TBC1D14: variants seen among roughly 807,000 people sequenced by gnomAD.
TBC1D14 encodes TBC1 domain family, member 14.
TBC1D14 carries 26 observed loss-of-function variants against 79.0 expected under a neutral mutation model. The observed-to-expected ratio is 0.33, with a 90% CI of 0.24 to 0.46. The LOEUF is 0.46. Ranked by LOEUF, TBC1D14 falls within the 20% of genes least tolerant of loss-of-function variation. The pLI, the probability that TBC1D14 is intolerant of heterozygous loss-of-function variation, is 1.00. For missense variants in TBC1D14, 769 were observed against 887.6 expected (o/e 0.87, Z 1.70); for synonymous variants, 394 against 349.9 (o/e 1.13, Z -1.40).
chr4:6,979,316 A>G (rs1717141194), intron 3 of TBC1D14, among the ~76,000 whole-genome samples: 1 of 152,196 alleles, frequency 6.6e-6, no homozygotes, highest in Admixed American at 6.5e-5. Flanking sequence ...CTCAGTTCTG[A>G]CAGATTGTCA....
At chr4:6,917,973 T>C (rs1438615002) in intron 1 of TBC1D14, among the ~76,000 whole-genome samples, 1 of 152,192 alleles carries the variant, frequency 6.6e-6, no homozygotes, top group Non-Finnish European at 1.5e-5. Context: ...TTTTTAGGTT[T>C]ATTTCCCTGA....
chr4:6,924,067 G>T lies in TBC1D14; in HGVS notation c.678G>T (p.Gly226=). Residue 226 remains glycine (G), a synonymous_variant, in exon 2 of 14, where the codon GGG becomes GGT. Coordinates refer to ENST00000409757, the MANE Select transcript of TBC1D14 (RefSeq NM_020773.3). ...QQDCVHEAEE[G]SKLKILGPFS... ...ACTGTGTTCATGAAGCTGAGGAGGGGAGTAAATTGAAAATATTGGGGCCAT... is the reference window on the plus strand; with the variant it reads ...ACTGTGTTCATGAAGCTGAGGAGGGTAGTAAATTGAAAATATTGGGGCCAT... The T allele has an allele frequency of 2.5e-6, 4 of 1,613,780 alleles. No individual in the cohort carries two copies. Among genetic ancestry groups the T allele is most frequent in the Non-Finnish European group, 3.4e-6 (4 of 1,179,988 alleles).
intron 2 of TBC1D14, among the ~76,000 whole-genome samples, chr4:6,938,101 T>G (rs1419750694): frequency 6.6e-6 from 1 of 152,136 alleles, no homozygotes; most frequent in South Asian, 2.1e-4. Context: ...TGGGCGCTAC[T>G]TTGCTGGGCT....
At chr4:6,978,357 G>C (rs1717018837) in intron 3 of TBC1D14, among the ~76,000 whole-genome samples, 1 of 148,674 alleles carries the variant, frequency 6.7e-6, no homozygotes, top group Non-Finnish European at 1.5e-5. Flanking sequence ...TGTGTAGAAA[G>C]AGGTAGACAT....
chr4:6,914,997 C>T (rs1197193120), intron 1 of TBC1D14, among the ~76,000 whole-genome samples: 2 of 152,198 alleles, frequency 1.3e-5, no homozygotes, highest in Non-Finnish European at 2.9e-5. Flanking sequence ...CCAGATCATG[C>T]CACTGCACTC....
rs1323276211 is a variant in TBC1D14 at position 6,909,924 on chromosome 4, G to A, written c.-45G>A. ...TGGGCTGCGGGCCCACGGGTCCCGG[G>A]GATGGCGTCGGAGCCGCGCTAACTC... On this transcript the variant is annotated 5_prime_UTR_variant, in exon 1 of 14. Coordinates refer to ENST00000409757, the MANE Select transcript of TBC1D14 (RefSeq NM_020773.3). 1.4e-5 allele frequency: 2 copies of A among 147,978 alleles called. No homozygotes were observed. Among genetic ancestry groups the A allele is most frequent in the Non-Finnish European group, 1.5e-5 (1 of 66,350 alleles). 9.2% of individuals were successfully genotyped at this position (147,978 alleles called of 1,614,324 possible). A position where few individuals can be genotyped will look rare whatever the true frequency, so the allele number is the denominator to read the frequency against.
chr4:6,962,592 C>T (rs1012391284), intron 2 of TBC1D14, among the ~76,000 whole-genome samples: 1 of 152,082 alleles, frequency 6.6e-6, no homozygotes, highest in African/African-American at 2.4e-5. Flanking sequence ...GGATGCAAAA[C>T]AAAAGGAGTC....
chr4:6,934,526 C>T (rs1040075052), intron 2 of TBC1D14, among the ~76,000 whole-genome samples: 4 of 151,934 alleles, frequency 2.6e-5, no homozygotes, highest in Admixed American at 6.6e-5. Flanking sequence ...GGTGTGGTGG[C>T]GGGTGCCTGT....
At chr4:7,006,941 A>G (rs1720261356) in intron 9 of TBC1D14, among the ~76,000 whole-genome samples, 1 of 152,172 alleles carries the variant, frequency 6.6e-6, no homozygotes, top group African/African-American at 2.4e-5. Flanking sequence ...CTTGTGCTCC[A>G]AAAGACAATT....
At chr4:6,914,589 C>T (rs541331078) in intron 1 of TBC1D14, among the ~76,000 whole-genome samples, 2 of 152,174 alleles carry the variant, frequency 1.3e-5, no homozygotes, top group African/African-American at 4.8e-5. Flanking sequence ...TCTTTCAGCT[C>T]TTTGGGTGGT....
rs558775818 is a variant in TBC1D14 at position 6,962,432 on chromosome 4, A to G, written c.723-4872A>G. Among the ~76,000 whole-genome samples, 3 of 152,240 alleles carry G rather than the reference A, an allele frequency of 2.0e-5. No homozygotes were observed. The East Asian group carries it at 5.8e-4, about 29-fold the overall frequency. The stretch of plus-strand genomic sequence containing the variant: ...GTTGCGGCAGCTGCAGGTGAGTCTC[A>G]CCAGGGTTAATGAGTGCTCTGTGTC... On this transcript the variant is annotated intron_variant, in intron 2 of 13. Transcript: ENST00000409757.
chr4:7,023,823 C>T (rs564612048), intron 12 of TBC1D14, among the ~76,000 whole-genome samples: 190 of 152,358 alleles, frequency 1.2e-3, no homozygotes, highest in South Asian at 4.3e-3. Context: ...CGGAGGGGCT[C>T]GCATAGCACA....
intron 2 of TBC1D14, among the ~76,000 whole-genome samples, chr4:6,928,671 A>G (rs1209554336): frequency 6.6e-6 from 1 of 152,208 alleles, no homozygotes; most frequent in Non-Finnish European, 1.5e-5. Flanking sequence ...CATTTCTACT[A>G]AAAATACAAA....
intron 2 of TBC1D14, among the ~76,000 whole-genome samples, chr4:6,927,442 G>C (rs984491494): frequency 1.3e-5 from 2 of 152,170 alleles, no homozygotes; most frequent in African/African-American, 2.4e-5. Flanking sequence ...ACTGTATAAG[G>C]TTAGAGATCA....
intron 1 of TBC1D14, among the ~76,000 whole-genome samples, chr4:6,912,117 G>A (rs1054323452): frequency 1.3e-5 from 2 of 152,296 alleles, no homozygotes; most frequent in African/African-American, 2.4e-5. Context: ...TCAGCTGGGC[G>A]CAGTGGCTCA....
intron 1 of TBC1D14, among the ~76,000 whole-genome samples, chr4:6,918,667 C>G (rs959227041): frequency 1.3e-5 from 2 of 152,190 alleles, no homozygotes; most frequent in African/African-American, 2.4e-5. Context: ...GCTGGGCCTG[C>G]GAGAGGCCCT....
intron 9 of TBC1D14, chr4:7,007,626 G>C: frequency 7.8e-7 from 1 of 1,288,002 alleles, no homozygotes; most frequent in Non-Finnish European, 1.0e-6. Flanking sequence ...CTGGTGTCTG[G>C]TGCGTGAGCC....
At chr4:6,960,536 G>C (rs945024211) in intron 2 of TBC1D14, among the ~76,000 whole-genome samples, 3 of 152,114 alleles carry the variant, frequency 2.0e-5, no homozygotes, top group Admixed American at 6.5e-5. Flanking sequence ...TATGTACCTT[G>C]CTTTTTTCCC....
chr4:6,944,819 C>T (rs1032727294), intron 2 of TBC1D14, among the ~76,000 whole-genome samples: 1 of 152,344 alleles, frequency 6.6e-6, no homozygotes, highest in Non-Finnish European at 1.5e-5. Flanking sequence ...GCTGACACCC[C>T]TTCCAGGAAC....
Sources: gnomAD v4.1 joint callset for allele counts (sites outside exome capture counted in the v4.1 genomes callset) on GRCh38, gnomAD v4.1.1 for gene constraint, MANE v1.5 for transcripts, NCBI Gene and HGNC (gene_info 2026-07-23, HGNC 2026-07-21) for gene names.